The following URB1 variants were observed in gnomAD, a reference collection of about 807,000 sequenced individuals.
URB1 encodes nucleolar pre-ribosomal-associated protein 1.
A neutral mutation model predicts 242.3 loss-of-function variants in URB1; 197 were observed. The ratio of observed to expected loss-of-function variants is 0.81; its 90% CI spans 0.72 to 0.91. The LOEUF (loss-of-function observed/expected upper bound fraction) is 0.91. Among genes scored for constraint, URB1 ranks in the 40% least tolerant of loss-of-function variants. URB1 has a pLI of 0.00. For synonymous variants in URB1, 1,153 were observed against 1,201.8 expected (o/e 0.96, Z 0.84); for missense variants, 2,721 against 2,860.5 (o/e 0.95, Z 1.11).
chr21:32,365,817 C>G (rs1229125498), intron 10 of URB1, among the ~76,000 whole-genome samples: 1 of 152,214 alleles, frequency 6.6e-6, no homozygotes, highest in African/African-American at 2.4e-5. Flanking sequence ...CCAACTGAGG[C>G]CTGTGCAACC....
Position 32,349,330 on chromosome 21 carries a change from C to T in URB1, c.2986G>A (p.Ala996Thr). Residue 996 changes from alanine to threonine, a missense_variant, in exon 21 of 39, where the codon GCC (alanine) becomes ACC (threonine). Transcript: ENST00000382751. ...TGATCATTGGCCAACTCCAGCGAGGCCACGGACTCCATGTCCAGGAAGAGG... is the reference window on the plus strand; with the variant it reads ...TGATCATTGGCCAACTCCAGCGAGGTCACGGACTCCATGTCCAGGAAGAGG... ...ADLFLDMESVASLELANDQTL... is the reference protein window; with the variant it reads ...ADLFLDMESVTSLELANDQTL... 6.5e-7 allele frequency: 1 copy of T among 1,548,492 alleles called. No individual in the cohort carries two copies. Among genetic ancestry groups the T allele is most frequent in the Non-Finnish European group, 8.7e-7 (1 of 1,145,528 alleles).
intron 38 of URB1, among the ~76,000 whole-genome samples, chr21:32,315,314 TAAA>T (rs66474832): frequency 4.3e-4 from 58 of 136,422 alleles, no homozygotes; most frequent in South Asian, 3.8e-3. Flanking sequence ...TTCTTTTCTT[TAAA>T]AAAAAAAAAA....
rs187237891 is a variant in URB1, at chr21:32,385,648, G to A, written c.179C>T (p.Pro60Leu). 9.0e-5 allele frequency: 139 copies of A among 1,551,470 alleles called. No homozygotes were observed. The East Asian group carries it at 2.8e-3, about 31-fold the overall frequency. The change falls in exon 2 of 39, where the codon CCA (proline) becomes CTA (leucine). Residue 60 changes from proline (P) to leucine (L), a missense_variant. Coordinates refer to ENST00000382751, the MANE Select transcript of URB1 (RefSeq NM_014825.3). Reference protein sequence around the residue: ...EAFVSAAKKLPREDVYDVVEG... With the variant: ...EAFVSAAKKLLREDVYDVVEG... Reference sequence around the variant, plus strand: ...CACAACATCATACACATCTTCTCGTGGTAGCTTCTTGGCAGCAGACACAAA... The same window carrying A: ...CACAACATCATACACATCTTCTCGTAGTAGCTTCTTGGCAGCAGACACAAA...
chr21:32,389,949 A>G (rs1313173712), intron 1 of URB1, among the ~76,000 whole-genome samples: 1 of 152,158 alleles, frequency 6.6e-6, no homozygotes, highest in Non-Finnish European at 1.5e-5. Context: ...CTTCCCTCAC[A>G]TGCCTGGTGA....
chr21:32,352,003 A>G (rs1482052093), intron 19 of URB1, among the ~76,000 whole-genome samples: 1 of 152,198 alleles, frequency 6.6e-6, no homozygotes, highest in Non-Finnish European at 1.5e-5. Flanking sequence ...AAAAATACAC[A>G]TAGTACACTT....
chr21:32,379,766 G>T (rs1163558631), intron 4 of URB1, among the ~76,000 whole-genome samples: 1 of 152,152 alleles, frequency 6.6e-6, no homozygotes, highest in African/African-American at 2.4e-5. Flanking sequence ...AAGGAGGGTG[G>T]ATCACTTGAG....
At chr21:32,318,243 G>A (rs937455849) in intron 36 of URB1, among the ~76,000 whole-genome samples, 1 of 152,132 alleles carries the variant, frequency 6.6e-6, no homozygotes, top group Admixed American at 6.5e-5. Context: ...CTCCACTCCA[G>A]GCCTGCCAGT....
chr21:32,328,408 G>A (rs1176648745), intron 30 of URB1, among the ~76,000 whole-genome samples: 2 of 152,206 alleles, frequency 1.3e-5, no homozygotes, highest in Non-Finnish European at 2.9e-5. Flanking sequence ...AAAGTGCTGG[G>A]ATTACAGGAA....
chr21:32,362,124 G>A (rs773252015), intron 11 of URB1, 103 bp from the exon 12 acceptor site: 61 of 1,373,536 alleles, frequency 4.4e-5, no homozygotes, highest in Middle Eastern at 4.0e-4. Flanking sequence ...AGGGGGGTGC[G>A]AGTCTAGAGG....
At position 32,338,741 on chromosome 21, in the gene URB1, A is replaced by ATC; in HGVS notation, c.4475_4476insGA (p.Asp1493MetfsTer11). On this transcript the variant is annotated frameshift_variant, in exon 26 of 39. Coordinates refer to ENST00000382751, the MANE Select transcript of URB1 (RefSeq NM_014825.3). LOFTEE classifies it high-confidence loss of function. Reference sequence around the variant, plus strand: ...GGCTGTCCGGGCTCTCCTCTCCGTCAGACGTCAGTAGAGTCGGCAGAAACA... The same window carrying ATC: ...GGCTGTCCGGGCTCTCCTCTCCGTCATCGACGTCAGTAGAGTCGGCAGAAACA... 1 of 1,551,666 alleles carries ATC rather than the reference A, an allele frequency of 6.4e-7. No individual in the cohort carries two copies. The highest frequency in any genetic ancestry group is 8.7e-7 in the Non-Finnish European group (1 of 1,146,992).
chr21:32,348,719 G>A (rs924833480), intron 21 of URB1, among the ~76,000 whole-genome samples: 1 of 152,186 alleles, frequency 6.6e-6, no homozygotes, highest in Non-Finnish European at 1.5e-5. Flanking sequence ...TTTGCCTCAC[G>A]CTGACTGGCT....
intron 30 of URB1, among the ~76,000 whole-genome samples, chr21:32,331,337 T>C (rs930500060): frequency 9.2e-5 from 14 of 152,210 alleles, no homozygotes; most frequent in Non-Finnish European, 1.0e-4. Context: ...TTTCAAACTG[T>C]GAATGTATTA....
chr21:32,315,031 G>C lies in URB1; in HGVS notation c.6703C>G (p.Leu2235Val). 6.4e-7 allele frequency: 1 copy of C among 1,551,422 alleles called. No homozygotes were observed. The highest frequency in any genetic ancestry group is 1.2e-5 in the South Asian group (1 of 84,024). Reference sequence around the variant, plus strand: ...CACACCATCCGGACGTGGGTTAAGAGGGTGTCCGGCCGCTGAGCCCCCAGC... The same window carrying C: ...CACACCATCCGGACGTGGGTTAAGACGGTGTCCGGCCGCTGAGCCCCCAGC... ...IWLGAQRPDTLLTHVRMVCEA... is the reference protein window; with the variant it reads ...IWLGAQRPDTVLTHVRMVCEA... The change falls in exon 39 of 39, where the codon CTC becomes GTC. Residue 2235 changes from leucine to valine, a missense_variant. By Grantham distance (32) the Leu-to-Val change is conservative. Coordinates refer to ENST00000382751, the MANE Select transcript of URB1 (RefSeq NM_014825.3).
intron 20 of URB1, among the ~76,000 whole-genome samples, chr21:32,350,347 G>A (rs1282090313): frequency 2.0e-5 from 3 of 152,160 alleles, no homozygotes; most frequent in East Asian, 3.9e-4. Flanking sequence ...GAGGTTGGAG[G>A]GTGGCTTGAG....
At chr21:32,354,141 C>T (rs956790927) in intron 17 of URB1, 38 bp from the exon 18 acceptor site, 2 of 1,547,562 alleles carry the variant, frequency 1.3e-6, no homozygotes, top group Non-Finnish European at 1.7e-6. Flanking sequence ...GATGTGAGAG[C>T]CACTGAAGGG....
chr21:32,344,842 A>G, intron 23 of URB1, 86 bp from the exon 24 acceptor site: 1 of 1,399,622 alleles, frequency 7.1e-7, no homozygotes, highest in Non-Finnish European at 9.5e-7. Context: ...AAAGAGCCAT[A>G]TGGGATAGAT....
rs2032598697 is a variant in URB1, at chr21:32,312,189, G to C, written c.*2729C>G. ...CCCCTCGAGTGCAGAGGTCATCCCA[G>C]GTGTTGCTGAGTTTATTGAGCACAC... On this transcript the variant is annotated 3_prime_UTR_variant, in exon 39 of 39. Transcript: ENST00000382751. The C allele has an allele frequency of 5.4e-6, 8 of 1,495,164 alleles. No individual in the cohort carries two copies. In the African/African-American group the frequency reaches 9.7e-5, roughly 18 times the overall value. The allele number at this position is 1,495,164 out of a possible 1,614,324, so 92.6% of individuals were successfully genotyped here.
chr21:32,326,582 G>A (rs1262707158), intron 30 of URB1, among the ~76,000 whole-genome samples: 9 of 152,118 alleles, frequency 5.9e-5, no homozygotes, highest in Admixed American at 5.9e-4. Context: ...TGGGGACTCC[G>A]GTGGGAGGTG....
intron 21 of URB1, among the ~76,000 whole-genome samples, chr21:32,348,433 C>G (rs1601137522): frequency 6.6e-6 from 1 of 152,178 alleles, no homozygotes; most frequent in East Asian, 1.9e-4. Context: ...AGTGACCCCA[C>G]AAAACCCCCA....
Sources: allele counts gnomAD v4.1 joint callset (sites outside exome capture counted in the v4.1 genomes callset), GRCh38; gene constraint gnomAD v4.1.1; transcripts MANE v1.5; gene names NCBI Gene and HGNC (gene_info 2026-07-23, HGNC 2026-07-21).